Variants in HDAC9 observed in about 807,000 individuals in gnomAD.
HDAC9 encodes the protein histone deacetylase 9, also known as MEF-2 interacting transcription repressor (MITR) protein.
Under a neutral mutation model 139.4 loss-of-function variants are expected in HDAC9, and 41 were observed. The observed-to-expected ratio is 0.29, with a 90% CI of 0.23 to 0.38. The LOEUF is 0.38. HDAC9 is among the 10% of genes least tolerant of loss of function. The pLI is 1.00. For synonymous variants in HDAC9, 517 were observed against 476.2 expected (o/e 1.09, Z -1.12); for missense variants, 1,147 against 1,297.0 (o/e 0.88, Z 1.78).
chr7:18,740,944 C>T (rs1454964405), intron 13 of HDAC9, among the ~76,000 whole-genome samples: 2 of 152,146 alleles, frequency 1.3e-5, no homozygotes, highest in East Asian at 3.9e-4. Flanking sequence ...AAAACCTCAT[C>T]CAGAGCAAGT....
chr7:18,640,913 C>T (rs1484659511), intron 8 of HDAC9, among the ~76,000 whole-genome samples: 2 of 152,000 alleles, frequency 1.3e-5, no homozygotes, highest in African/African-American at 2.4e-5. Context: ...GATAATTTCT[C>T]GAAGTTAGAA....
chr7:18,112,002 A>G (rs1783650003), intron 1 of HDAC9, among the ~76,000 whole-genome samples: 1 of 152,148 alleles, frequency 6.6e-6, no homozygotes, highest in Non-Finnish European at 1.5e-5. Flanking sequence ...GGTTGTTAAA[A>G]TAGCCATTAG....
At chr7:18,125,653 A>G (rs1178762362) in intron 1 of HDAC9, among the ~76,000 whole-genome samples, 1 of 151,958 alleles carries the variant, frequency 6.6e-6, no homozygotes, top group Non-Finnish European at 1.5e-5. Context: ...CATATTTACT[A>G]TCAGCAAGAT....
intron 12 of HDAC9, among the ~76,000 whole-genome samples, chr7:18,725,030 C>T (rs372738458): frequency 2.0e-5 from 3 of 152,046 alleles, no homozygotes; most frequent in South Asian, 4.1e-4. Flanking sequence ...AGCTTCATAG[C>T]CACACATAGA....
chr7:18,912,401 T>G (rs142443015), intron 22 of HDAC9, among the ~76,000 whole-genome samples: 1 of 152,134 alleles, frequency 6.6e-6, no homozygotes, highest in Non-Finnish European at 1.5e-5. Flanking sequence ...TAAGTGGGTA[T>G]AAGTATTAAT....
chr7:18,809,422 G>A (rs1288659302), intron 17 of HDAC9, among the ~76,000 whole-genome samples: 2 of 151,832 alleles, frequency 1.3e-5, no homozygotes, highest in African/African-American at 4.8e-5. Context: ...GGAGAAAATA[G>A]TTACAAACCA....
intron 3 of HDAC9, among the ~76,000 whole-genome samples, chr7:18,587,644 T>C (rs1201945328): frequency 6.6e-6 from 1 of 152,130 alleles, no homozygotes; most frequent in African/African-American, 2.4e-5. Context: ...TGAACTGAGG[T>C]AGAGAAAAAT....
intron 1 of HDAC9, among the ~76,000 whole-genome samples, chr7:18,433,595 A>T (rs553258313): frequency 6.6e-6 from 1 of 152,284 alleles, no homozygotes; most frequent in African/African-American, 2.4e-5. Flanking sequence ...CAATGTGCAA[A>T]AATCAGTAGC....
chr7:18,113,161 A>T (rs929190602), intron 1 of HDAC9, among the ~76,000 whole-genome samples: 1 of 152,240 alleles, frequency 6.6e-6, no homozygotes, highest in African/African-American at 2.4e-5. Flanking sequence ...AAAATCACGT[A>T]CATCAGTGAA....
At chr7:18,774,242 G>A (rs966477203) in intron 16 of HDAC9, among the ~76,000 whole-genome samples, 1 of 151,946 alleles carries the variant, frequency 6.6e-6, no homozygotes, top group Non-Finnish European at 1.5e-5. Flanking sequence ...CATGCATTGA[G>A]TCATTATTTC....
chr7:18,886,263 A>G (rs1800142104), intron 22 of HDAC9, among the ~76,000 whole-genome samples: 1 of 152,210 alleles, frequency 6.6e-6, no homozygotes, highest in South Asian at 2.1e-4. Context: ...TGCACTGTTT[A>G]GTTACTGATG....
At chr7:18,615,185 T>C (rs1227311983) in intron 6 of HDAC9, among the ~76,000 whole-genome samples, 1 of 152,214 alleles carries the variant, frequency 6.6e-6, no homozygotes, top group African/African-American at 2.4e-5. Context: ...TATCTCATAC[T>C]ATAAAGGTCA....
chr7:18,427,776 T>C (rs1790260731), intron 1 of HDAC9, among the ~76,000 whole-genome samples: 1 of 151,912 alleles, frequency 6.6e-6, no homozygotes, highest in South Asian at 2.1e-4. Flanking sequence ...CTTAACAGAT[T>C]TTTAAATGTA....
At chr7:18,230,022 C>A (rs1172128640) in intron 2 of HDAC9, among the ~76,000 whole-genome samples, 2 of 152,072 alleles carry the variant, frequency 1.3e-5, no homozygotes, top group Non-Finnish European at 2.9e-5. Flanking sequence ...CCAAATAATT[C>A]TATTATTGCT....
chr7:18,202,012 C>G (rs563971019), intron 2 of HDAC9, among the ~76,000 whole-genome samples: 3 of 152,316 alleles, frequency 2.0e-5, no homozygotes, highest in African/African-American at 7.2e-5. Flanking sequence ...ATTGTTCTCA[C>G]ATTTTTAAGA....
chr7:18,846,959 G>A (rs571059571), intron 21 of HDAC9, among the ~76,000 whole-genome samples: 3 of 152,320 alleles, frequency 2.0e-5, no homozygotes, highest in African/African-American at 7.2e-5. Flanking sequence ...GCGTGTGGAA[G>A]TGAGGCTTAA....
In HDAC9 at chr7:18,531,018, T is replaced by C. The variant is rs1744844095; in HGVS notation, c.22+34694T>C. Among the ~76,000 whole-genome samples, 5 of 152,170 alleles carry C rather than the reference T, an allele frequency of 3.3e-5. No homozygotes were observed. In the Middle Eastern group the frequency reaches 0.014, roughly 414 times the overall value. ...TAACAATTTTTTACTCGTATGCTTCTAGTGCAACCTCTCTGTCTTTAAATA... is the reference window on the plus strand; with the variant it reads ...TAACAATTTTTTACTCGTATGCTTCCAGTGCAACCTCTCTGTCTTTAAATA... On this transcript the variant is annotated intron_variant, in intron 2 of 25. Transcript: ENST00000686413.
intron 17 of HDAC9, among the ~76,000 whole-genome samples, chr7:18,794,988 T>C (rs1030391700): frequency 6.6e-6 from 1 of 152,138 alleles, no homozygotes; most frequent in Non-Finnish European, 1.5e-5. Flanking sequence ...GTTTCAGTCA[T>C]CAGAAGCATC....
At chr7:18,942,099 G>C (rs998602158) in intron 23 of HDAC9, among the ~76,000 whole-genome samples, 1 of 151,998 alleles carries the variant, frequency 6.6e-6, no homozygotes, top group African/African-American at 2.4e-5. Context: ...TCATTTATCT[G>C]ACCATTCATT....
Sources: gnomAD v4.1 joint callset for allele counts (sites outside exome capture counted in the v4.1 genomes callset) on GRCh38, gnomAD v4.1.1 for gene constraint, MANE v1.5 for transcripts, NCBI Gene and HGNC (gene_info 2026-07-23, HGNC 2026-07-21) for gene names.